CYP20A1: variants seen among roughly 807,000 people sequenced by gnomAD.
CYP20A1 encodes the protein cytochrome P450 family 20 subfamily A member 1.
Under a neutral mutation model 61.4 loss-of-function variants are expected in CYP20A1, and 61 were observed. The ratio of observed to expected loss-of-function variants is 0.99; its 90% CI spans 0.81 to 1.23. CYP20A1 has a LOEUF of 1.23. CYP20A1 is among the 50% of genes most tolerant of loss of function. The pLI is 0.00. For synonymous variants in CYP20A1, 193 were observed against 188.2 expected (o/e 1.03, Z -0.21); for missense variants, 530 against 542.4 (o/e 0.98, Z 0.23).
chr2:203,246,697 TTTTTC>T, intron 2 of CYP20A1, 53 bp from the exon 3 acceptor site: 1 of 1,547,980 alleles, frequency 6.5e-7, no homozygotes, highest in Non-Finnish European at 8.8e-7. Context: ...TCAACTGTTG[TTTTTC>T]TCATTTTTCC....
rs2068453117 is a variant in CYP20A1, at chr2:203,289,775, C to T, written c.982C>T (p.His328Tyr). The T allele has an allele frequency of 1.3e-6, 2 of 1,557,598 alleles. No individual in the cohort carries two copies. The highest frequency in any genetic ancestry group is 2.7e-5 in the African/African-American group (2 of 73,078). The change falls in exon 10 of 13, where the codon CAT becomes TAT. Residue 328 changes from histidine (H) to tyrosine (Y), a missense_variant. By Grantham distance (83) the His-to-Tyr change is moderately conservative. Transcript: ENST00000356079. The stretch of plus-strand genomic sequence containing the variant: ...ATTTTTTTAAAACAGATATTGTCAG[C>T]ATGTGCTTTGTGAAACTGTTCGAAC... Reference protein sequence around the residue: ...EKIEQLRYCQHVLCETVRTAK... With the variant: ...EKIEQLRYCQYVLCETVRTAK...
chr2:203,245,857 A>G lies in CYP20A1; in HGVS notation c.84A>G (p.Gln28=). The G allele has an allele frequency of 6.2e-7, 1 of 1,603,052 alleles. No homozygotes were observed. The highest frequency in any genetic ancestry group is 2.2e-5 in the East Asian group (1 of 44,784). Residue 28 remains glutamine (Q), a synonymous_variant, in exon 2 of 13, where the codon CAA becomes CAG. Transcript: ENST00000356079. ...TTTTTTTTTGTAAGGCTTCCAGACA[A>G]GCTGCAGGAATTCCAGGGATTACTC... ...AVLYLYPASR[Q]AAGIPGITPT...
intron 4 of CYP20A1, among the ~76,000 whole-genome samples, chr2:203,260,852 C>T (rs569448214): frequency 6.6e-6 from 1 of 152,276 alleles, no homozygotes; most frequent in South Asian, 2.1e-4. Context: ...TAATTTATTT[C>T]CTTTTTTCCA....
chr2:203,265,678 G>GTT (rs1330918497), intron 4 of CYP20A1, among the ~76,000 whole-genome samples: 1 of 151,964 alleles, frequency 6.6e-6, no homozygotes, highest in East Asian at 1.9e-4. Flanking sequence ...ATCTACAAAT[G>GTT]TTTTTTGTTT....
Position 203,292,244 on chromosome 2 carries a change from GA to G in CYP20A1, c.1084-17del. On this transcript the variant is annotated splice_polypyrimidine_tract_variant and intron_variant, in intron 10 of 12. Coordinates refer to ENST00000356079, the MANE Select transcript of CYP20A1 (RefSeq NM_177538.3). ...ATCTCTGTTAGTCCTTGACTAATTGGATTTTTTTTTTTCACAGACCCTCGTC... is the reference window on the plus strand; with the variant it reads ...ATCTCTGTTAGTCCTTGACTAATTGGTTTTTTTTTTTCACAGACCCTCGTC... 6.3e-7 allele frequency: 1 copy of G among 1,576,470 alleles called. No homozygotes were observed. Among genetic ancestry groups the G allele is most frequent in the Non-Finnish European group, 8.7e-7 (1 of 1,150,192 alleles).
At chr2:203,295,889 C>G (rs1037773200) in intron 11 of CYP20A1, among the ~76,000 whole-genome samples, 2 of 151,774 alleles carry the variant, frequency 1.3e-5, no homozygotes, top group African/African-American at 4.8e-5. Context: ...GTGGTGGTTG[C>G]AATGAGCCGA....
chr2:203,250,786 C>T (rs1022240861), intron 3 of CYP20A1, among the ~76,000 whole-genome samples: 2 of 152,060 alleles, frequency 1.3e-5, no homozygotes, highest in Non-Finnish European at 2.9e-5. Flanking sequence ...ACAGCTAGGC[C>T]GGGTGCGGTG....
At position 203,278,658 on chromosome 2, in the gene CYP20A1, C is replaced by G; in HGVS notation, c.765C>G (p.Ser255=). Residue 255 remains serine (S), a synonymous_variant, in exon 7 of 13, where the codon TCC becomes TCG. Transcript: ENST00000356079. ...RNFSQHIFID[S]LVQGNLNDQQ... is the part of the protein sequence containing the mutation. ...TCAGTCAACATATTTTCATTGACTC[C>G]TTAGTACAAGGGAACCTTAATGACC... is the stretch of plus-strand genomic sequence containing the variant. 6.3e-7 allele frequency: 1 copy of G among 1,596,350 alleles called. No individual in the cohort carries two copies. Among genetic ancestry groups the G allele is most frequent in the Non-Finnish European group, 8.6e-7 (1 of 1,168,588 alleles).
rs990568465 is a variant in CYP20A1 at position 203,301,539 on chromosome 2, G to A, written c.*4631G>A. ...TCCCACCTGGGCCTCCCAAAGTGTT[G>A]AGATTGCAGGTGTGAGCCACGGCAC... On this transcript the variant is annotated 3_prime_UTR_variant, in exon 13 of 13. Transcript: ENST00000356079. Among the ~76,000 whole-genome samples, 11 of 152,134 alleles carry A rather than the reference G, an allele frequency of 7.2e-5. 1 individual carries two copies. The East Asian group carries it at 2.1e-3, about 29-fold the overall frequency.
chr2:203,256,748 C>G (rs2066908550), intron 4 of CYP20A1, among the ~76,000 whole-genome samples: 1 of 152,192 alleles, frequency 6.6e-6, no homozygotes, highest in Non-Finnish European at 1.5e-5. Context: ...ATTTTGATTA[C>G]TGCTGTATAC....
intron 7 of CYP20A1, among the ~76,000 whole-genome samples, chr2:203,279,553 G>C (rs1349746625): frequency 1.3e-5 from 2 of 152,094 alleles, no homozygotes; most frequent in Non-Finnish European, 2.9e-5. Context: ...TTCATTGTAG[G>C]AATCTTCTGC....
At chr2:203,267,672 G>A (rs1244196348) in intron 5 of CYP20A1, among the ~76,000 whole-genome samples, 2 of 151,524 alleles carry the variant, frequency 1.3e-5, no homozygotes, top group African/African-American at 2.4e-5. Flanking sequence ...GTGAAACCCC[G>A]TCTCTACTAA....
intron 4 of CYP20A1, among the ~76,000 whole-genome samples, chr2:203,257,211 G>A (rs916452619): frequency 1.3e-5 from 2 of 151,180 alleles, no homozygotes; most frequent in African/African-American, 4.9e-5. Flanking sequence ...CCAGCTAATC[G>A]AGAGTCTATG....
chr2:203,239,934 A>T lies in CYP20A1; in HGVS notation c.72+800A>T, dbSNP rs535551455. 4.4e-4 allele frequency among the ~76,000 whole-genome samples: 67 copies of T among 152,284 alleles called. No homozygotes were observed. The South Asian group carries it at 4.8e-3, about 11-fold the overall frequency. On this transcript the variant is annotated intron_variant, in intron 1 of 12. Transcript: ENST00000356079. ...AACATGGTGACACACCGTCTCTACTAAAAATACAAACATTAGCTGGCTGTG... is the reference window on the plus strand; with the variant it reads ...AACATGGTGACACACCGTCTCTACTTAAAATACAAACATTAGCTGGCTGTG...
At chr2:203,280,141 A>G (rs1245104376) in intron 8 of CYP20A1, 28 bp downstream of exon 8, 15 of 1,557,652 alleles carry the variant, frequency 9.6e-6, no homozygotes, top group Non-Finnish European at 1.2e-5. Context: ...TCTTTTTCAG[A>G]GGAATTACTA....
Position 203,301,914 on chromosome 2 carries a change from C to CTTTTTT in CYP20A1, c.*5023_*5028dup, listed in dbSNP as rs763764173. ...TTTGAAGTTAACCACTGTTAAGATT[C>CTTTTTT]TTTTTTTTTTTTTTTTTTTTTTGTT... On this transcript the variant is annotated 3_prime_UTR_variant, in exon 13 of 13. Transcript: ENST00000356079. 0.019 allele frequency among the ~76,000 whole-genome samples: 1,926 copies of CTTTTTT among 103,638 alleles called. 2 individuals are homozygous for CTTTTTT. The highest frequency in any genetic ancestry group is 0.022 in the Middle Eastern group (3 of 134). The allele number at this position is 103,638 out of a possible 152,430, so 68.0% of individuals were successfully genotyped here.
intron 9 of CYP20A1, among the ~76,000 whole-genome samples, chr2:203,288,090 C>T (rs2068371453): frequency 1.0e-5 from 1 of 98,308 alleles, no homozygotes; most frequent in South Asian, 4.1e-4. Flanking sequence ...TTTTCAGATG[C>T]AGTCCCTTTC....
intron 3 of CYP20A1, among the ~76,000 whole-genome samples, chr2:203,247,536 A>G (rs1021380929): frequency 3.9e-5 from 6 of 152,148 alleles, no homozygotes; most frequent in Non-Finnish European, 7.4e-5. Flanking sequence ...GAGTAAATGT[A>G]CATGAGCAAC....
intron 6 of CYP20A1, among the ~76,000 whole-genome samples, chr2:203,278,235 C>T (rs2067902158): frequency 6.6e-6 from 1 of 152,182 alleles, no homozygotes. Flanking sequence ...GATCACACCA[C>T]TACACTGCAG....
Sources: gnomAD v4.1 joint callset for allele counts (sites outside exome capture counted in the v4.1 genomes callset) on GRCh38, gnomAD v4.1.1 for gene constraint, MANE v1.5 for transcripts, NCBI Gene and HGNC (gene_info 2026-07-23, HGNC 2026-07-21) for gene names.